COX7B2: variants seen among roughly 807,000 people sequenced by gnomAD.
The protein encoded by COX7B2 is cytochrome c oxidase subunit 7B2, mitochondrial.
For missense variants in COX7B2, 109 were observed against 95.9 expected, an observed-to-expected ratio of 1.14 and a Z score of -0.57; for synonymous variants, 37 against 32.1, an observed-to-expected ratio of 1.15 and a Z score of -0.51.
intron 2 of COX7B2, among the ~76,000 whole-genome samples, chr4:46,829,834 G>A (rs1423523826): frequency 1.3e-5 from 2 of 152,050 alleles, no homozygotes; most frequent in Non-Finnish European, 2.9e-5. Flanking sequence ...TTAAACTGAA[G>A]GGCAGAATAC....
At position 46,778,880 on chromosome 4, in the gene COX7B2, T is replaced by C. The variant is rs566741892; in HGVS notation, c.-49-43639A>G. On this transcript the variant is annotated intron_variant, in intron 2 of 2. Transcript: ENST00000355591. ...GTTGGACTCCTTTAAAACAATAATA[T>C]TTTATGTGGCAAATATGTGCTCCGA... is the stretch of plus-strand genomic sequence containing the variant. 1.2e-4 allele frequency among the ~76,000 whole-genome samples: 18 copies of C among 152,312 alleles called. No individual in the cohort carries two copies. The South Asian group carries it at 2.1e-3, about 18-fold the overall frequency.
intron 1 of COX7B2, among the ~76,000 whole-genome samples, chr4:46,892,997 C>A (rs543425374): frequency 6.6e-6 from 1 of 152,262 alleles, no homozygotes; most frequent in East Asian, 1.9e-4. Flanking sequence ...GAAGAGGTGC[C>A]TTCTGCCATG....
At chr4:46,738,659 T>A (rs1158783749) in intron 2 of COX7B2, among the ~76,000 whole-genome samples, 1 of 152,090 alleles carries the variant, frequency 6.6e-6, no homozygotes, top group East Asian at 1.9e-4. Flanking sequence ...CTACTCCTAT[T>A]ATCTAAAGAA....
At chr4:46,883,227 A>T (rs1187658323) in intron 1 of COX7B2, among the ~76,000 whole-genome samples, 2 of 152,216 alleles carry the variant, frequency 1.3e-5, no homozygotes, top group Non-Finnish European at 2.9e-5. Context: ...CATGAGAAGG[A>T]CATTATCATT....
chr4:46,900,497 G>A (rs1012550905), intron 1 of COX7B2, among the ~76,000 whole-genome samples: 1 of 152,116 alleles, frequency 6.6e-6, no homozygotes, highest in African/African-American at 2.4e-5. Context: ...CTGGTGGCAG[G>A]GGAGGAGGGG....
intron 1 of COX7B2, among the ~76,000 whole-genome samples, chr4:46,902,274 G>A (rs1042755440): frequency 1.3e-5 from 2 of 152,044 alleles, no homozygotes; most frequent in African/African-American, 2.4e-5. Flanking sequence ...TAAAGTCGAC[G>A]ATCATATAAC....
At chr4:46,763,145 A>ATAATG (rs1389943786) in intron 2 of COX7B2, among the ~76,000 whole-genome samples, 3 of 111,756 alleles carry the variant, frequency 2.7e-5, no homozygotes, top group Non-Finnish European at 5.4e-5. Flanking sequence ...GTATAATTAT[A>ATAATG]TATTATAATA....
chr4:46,867,221 T>G (rs1180084189), intron 1 of COX7B2, among the ~76,000 whole-genome samples: 1 of 152,170 alleles, frequency 6.6e-6, no homozygotes, highest in Admixed American at 6.5e-5. Flanking sequence ...TGTTAGCAAG[T>G]GCCTACACTC....
intron 1 of COX7B2, among the ~76,000 whole-genome samples, chr4:46,867,637 T>G (rs1412697838): frequency 6.6e-6 from 1 of 152,212 alleles, no homozygotes; most frequent in Non-Finnish European, 1.5e-5. Context: ...GGGTTGGCAT[T>G]CCTCCACAAG....
At chr4:46,835,117 AT>A (rs1306941045) in intron 2 of COX7B2, among the ~76,000 whole-genome samples, 1 of 152,126 alleles carries the variant, frequency 6.6e-6, no homozygotes, top group Non-Finnish European at 1.5e-5. Context: ...TACTTATGAT[AT>A]TGATGGGGAT....
Position 46,873,753 on chromosome 4 carries a change from G to A in COX7B2, c.-104-28739C>T, listed in dbSNP as rs965315478. Among the ~76,000 whole-genome samples the A allele has an allele frequency of 7.9e-5, 12 of 152,168 alleles. 1 individual carries two copies. In the East Asian group the frequency reaches 2.3e-3, roughly 29 times the overall value. On this transcript the variant is annotated intron_variant, in intron 1 of 2. Transcript: ENST00000355591. ...TGTTACATATGTATACATGTGCCAT[G>A]TTGGTGTGCTGCACCTGTTAACTCA... is the stretch of plus-strand genomic sequence containing the variant.
chr4:46,804,246 A>G (rs1718845544), intron 2 of COX7B2, among the ~76,000 whole-genome samples: 1 of 152,166 alleles, frequency 6.6e-6, no homozygotes, highest in South Asian at 2.1e-4. Flanking sequence ...GCGGACCCAA[A>G]GAGTGAGCAG....
chr4:46,898,493 C>A (rs767352955), intron 1 of COX7B2, among the ~76,000 whole-genome samples: 3 of 152,168 alleles, frequency 2.0e-5, no homozygotes, highest in African/African-American at 7.2e-5. Context: ...TCATGGCTCA[C>A]CGCAACCTCA....
chr4:46,832,982 C>G (rs892057380), intron 2 of COX7B2, among the ~76,000 whole-genome samples: 1 of 151,940 alleles, frequency 6.6e-6, no homozygotes, highest in Non-Finnish European at 1.5e-5. Context: ...CTTGGCTTAC[C>G]ACAACCTCCG....
chr4:46,905,999 T>G (rs1720366669), intron 1 of COX7B2, among the ~76,000 whole-genome samples: 1 of 150,150 alleles, frequency 6.7e-6, no homozygotes, highest in Non-Finnish European at 1.5e-5. Flanking sequence ...CCGGCTAATT[T>G]TTTGTATTTT....
At chr4:46,758,161 T>C (rs1001827366) in intron 2 of COX7B2, among the ~76,000 whole-genome samples, 1 of 152,040 alleles carries the variant, frequency 6.6e-6, no homozygotes, top group Non-Finnish European at 1.5e-5. Context: ...GTATAAGAAT[T>C]ATAACATTGT....
intron 2 of COX7B2, among the ~76,000 whole-genome samples, chr4:46,767,957 G>A (rs1449414642): frequency 6.6e-6 from 1 of 152,268 alleles, no homozygotes; most frequent in Non-Finnish European, 1.5e-5. Context: ...AGGTGAGCAT[G>A]TGCAAGGGCT....
At chr4:46,806,597 G>T (rs950276852) in intron 2 of COX7B2, among the ~76,000 whole-genome samples, 6 of 151,932 alleles carry the variant, frequency 3.9e-5, no homozygotes, top group African/African-American at 1.4e-4. Flanking sequence ...CAATTTTACT[G>T]CCTATAGTCA....
intron 2 of COX7B2, among the ~76,000 whole-genome samples, chr4:46,797,092 T>TAAAAAAAAAAAA (rs762801656): frequency 1.6e-5 from 1 of 62,578 alleles, no homozygotes; most frequent in African/African-American, 9.0e-5. Flanking sequence ...TAGAGTATAA[T>TAAAAAAAAAAAA]AAAAAAAAAA....
Sources: gnomAD v4.1 joint callset for allele counts (sites outside exome capture counted in the v4.1 genomes callset) on GRCh38, gnomAD v4.1.1 for gene constraint, MANE v1.5 for transcripts, NCBI Gene and HGNC (gene_info 2026-07-23, HGNC 2026-07-21) for gene names.